MEGF6: variants seen among roughly 807,000 people sequenced by gnomAD.
MEGF6 encodes multiple EGF like domains 6.
MEGF6 carries 184 observed loss-of-function variants against 207.1 expected under a neutral mutation model. The ratio of observed to expected loss-of-function variants is 0.89; its 90% confidence interval spans 0.79 to 1.00. The LOEUF (loss-of-function observed/expected upper bound fraction) is 1.00. Ranked by LOEUF, MEGF6 falls within the 50% of genes least tolerant of loss-of-function variation. The pLI is 0.00. For synonymous variants in MEGF6, 1,038 were observed against 910.0 expected (o/e 1.14, Z -2.53); for missense variants, 2,282 against 2,202.9 (o/e 1.04, Z -0.72).
chr1:3,569,136 C>T (rs949724387), intron 4 of MEGF6, among the ~76,000 whole-genome samples: 3 of 152,216 alleles, frequency 2.0e-5, no homozygotes, highest in African/African-American at 7.2e-5. Flanking sequence ...CTCCAGCCCA[C>T]ACCCTAGAGA....
chr1:3,501,567 C>T (rs529708778), intron 18 of MEGF6, among the ~76,000 whole-genome samples: 352 of 152,248 alleles, frequency 2.3e-3, no homozygotes, highest in Non-Finnish European at 4.3e-3. Flanking sequence ...AGAGATGGAG[C>T]CTCATGCAGA....
At chr1:3,614,486 C>T (rs528208149), upstream of MEGF6, among the ~76,000 whole-genome samples, 6 of 152,324 alleles carry the variant, frequency 3.9e-5, no homozygotes, top group East Asian at 1.2e-3. Flanking sequence ...ACGCAGAGCA[C>T]AGTAAATATT....
At chr1:3,503,051 C>A (rs1398546255) in intron 17 of MEGF6, among the ~76,000 whole-genome samples, 1 of 152,188 alleles carries the variant, frequency 6.6e-6, no homozygotes, top group African/African-American at 2.4e-5. Flanking sequence ...GTCAGAAGGC[C>A]CACAGCGGGG....
chr1:3,614,990 C>A (rs949295436), upstream of MEGF6, among the ~76,000 whole-genome samples: 31 of 152,176 alleles, frequency 2.0e-4, no homozygotes, highest in African/African-American at 5.6e-4. Flanking sequence ...AAGGGCCTGC[C>A]GTGTTGATTC....
intron 3 of MEGF6, among the ~76,000 whole-genome samples, chr1:3,588,917 T>C (rs1570208946): frequency 6.6e-6 from 1 of 152,130 alleles, no homozygotes. Context: ...ACTCTGCCCC[T>C]GCCCTCATGA....
chr1:3,517,677 C>T (rs1024436120), intron 5 of MEGF6, among the ~76,000 whole-genome samples: 4 of 152,190 alleles, frequency 2.6e-5, no homozygotes, highest in African/African-American at 9.6e-5. Flanking sequence ...CCACCCCTAC[C>T]CAGGCCACAG....
At position 3,611,029 on chromosome 1, in the gene MEGF6, T is replaced by G. The variant is rs373605078; in HGVS notation, c.131+109A>C. 6.9e-6 allele frequency: 9 copies of G among 1,305,240 alleles called. 1 individual carries two copies. The highest frequency in any genetic ancestry group is 4.7e-5 in the African/African-American group (3 of 64,012). 80.9% of individuals were successfully genotyped at this position (1,305,240 alleles called of 1,614,324 possible). ...TCCCCAGTTAACGCAAACAGCCCAT[T>G]GTTCTGGAGCCCCAGGGACAAAGCC... On this transcript the variant is annotated intron_variant, in intron 1 of 36. Transcript: ENST00000356575.
intron 4 of MEGF6, among the ~76,000 whole-genome samples, chr1:3,563,539 G>A (rs1037108056): frequency 1.1e-4 from 17 of 152,140 alleles, no homozygotes; most frequent in Admixed American, 9.8e-4. Flanking sequence ...GCCAGCCCCC[G>A]ATCGTGCCTG....
At chr1:3,516,881 G>A (rs374074317) in intron 5 of MEGF6, among the ~76,000 whole-genome samples, 6 of 152,178 alleles carry the variant, frequency 3.9e-5, no homozygotes, top group African/African-American at 1.2e-4. Flanking sequence ...CCTGCCCCAC[G>A]TGTCCCTGGC....
intron 5 of MEGF6, among the ~76,000 whole-genome samples, chr1:3,518,881 C>T (rs1223206862): frequency 6.6e-6 from 1 of 152,190 alleles, no homozygotes; most frequent in Admixed American, 6.5e-5. Flanking sequence ...CCAGGCGGGC[C>T]TGCCCTGTAC....
chr1:3,498,424 T>A lies in MEGF6; in HGVS notation c.3299A>T (p.His1100Leu), dbSNP rs1290523800. 2 of 1,588,348 alleles carry A rather than the reference T, an allele frequency of 1.3e-6. No individual in the cohort carries two copies. The highest frequency in any genetic ancestry group is 3.4e-5 in the Admixed American group (2 of 58,222). Reference protein sequence around the residue: ...GCLNGGLCDPHTGRCLCPAGW... With the variant: ...GCLNGGLCDPLTGRCLCPAGW... ...GGCTGGGCAGAGGCAGCGGCCCGTGTGCGGGTCACACAGGCCCCCGTTGAG... is the reference window on the plus strand; with the variant it reads ...GGCTGGGCAGAGGCAGCGGCCCGTGAGCGGGTCACACAGGCCCCCGTTGAG... The change falls in exon 26 of 37, where the codon CAC becomes CTC. Residue 1100 changes from histidine to leucine, a missense_variant. By Grantham distance (99) the His-to-Leu change is moderately conservative (BLOSUM62 -3). Coordinates refer to ENST00000356575, the MANE Select transcript of MEGF6 (RefSeq NM_001409.4).
At position 3,514,533 on chromosome 1, in the gene MEGF6, G is replaced by A; in HGVS notation, c.853+17C>T. The A allele has an allele frequency of 6.3e-7, 1 of 1,584,910 alleles. No individual in the cohort carries two copies. The highest frequency in any genetic ancestry group is 8.6e-7 in the Non-Finnish European group (1 of 1,169,392). On this transcript the variant is annotated intron_variant, in intron 7 of 36. Transcript: ENST00000356575. ...TTCTGACCCTGGGCGGGGCGGAGCA[G>A]GGGAGGGGCGTCCTACCTTCACAGG... is the stretch of plus-strand genomic sequence containing the variant.
At chr1:3,518,907 C>G (rs1232602215) in intron 5 of MEGF6, among the ~76,000 whole-genome samples, 2 of 152,210 alleles carry the variant, frequency 1.3e-5, no homozygotes, top group African/African-American at 4.8e-5. Flanking sequence ...CCCCCATCCC[C>G]TGCCCTCTCA....
intron 30 of MEGF6, among the ~76,000 whole-genome samples, chr1:3,495,394 GGCCTGTCTGAGCAGGAGCCACTAC>G: frequency 6.6e-6 from 1 of 152,270 alleles, no homozygotes; most frequent in African/African-American, 2.4e-5. Context: ...ATGAGCACTG[GGCCTGTCTGAGCAGGAGCCACTAC>G]GCCTGTCCCC....
At chr1:3,570,890 G>T (rs1295498562) in intron 4 of MEGF6, among the ~76,000 whole-genome samples, 1 of 152,126 alleles carries the variant, frequency 6.6e-6, no homozygotes, top group Non-Finnish European at 1.5e-5. Flanking sequence ...ATCCCCCGGG[G>T]CCACCCAGTC....
chr1:3,505,213 C>T lies in MEGF6; in HGVS notation c.2183G>A (p.Gly728Asp), dbSNP rs1305254387. 6.2e-7 allele frequency: 1 copy of T among 1,611,816 alleles called. No homozygotes were observed. Among genetic ancestry groups the T allele is most frequent in the Admixed American group, 1.7e-5 (1 of 59,994 alleles). Residue 728 changes from glycine (G) to aspartate (D), a missense_variant, in exon 17 of 37, where the codon GGC becomes GAC. Coordinates refer to ENST00000356575, the MANE Select transcript of MEGF6 (RefSeq NM_001409.4). ...CCCAGGGGCCGGCCACTCACCTTGG[C>T]CACAGTCCTCTCCCTGGAAGCCAGC... ...CPAGFQGEDC[G>D]QECPVGTFGV...
At chr1:3,589,554 C>A (rs1254680491) in intron 3 of MEGF6, among the ~76,000 whole-genome samples, 2 of 152,190 alleles carry the variant, frequency 1.3e-5, no homozygotes, top group East Asian at 1.9e-4. Flanking sequence ...CACCACCCAG[C>A]CCCTCTGCCC....
At chr1:3,530,087 A>C (rs1320230014) in intron 4 of MEGF6, among the ~76,000 whole-genome samples, 1 of 152,354 alleles carries the variant, frequency 6.6e-6, no homozygotes, top group East Asian at 1.9e-4. Flanking sequence ...GAGGCCTTGG[A>C]TGCTTCGCAG....
Position 3,505,346 on chromosome 1 carries a change from C to T in MEGF6, c.2054-4G>A, listed in dbSNP as rs377157138. 1.2e-6 allele frequency: 2 copies of T among 1,609,398 alleles called. No individual in the cohort carries two copies. The highest frequency in any genetic ancestry group is 1.7e-6 in the Non-Finnish European group (2 of 1,178,788). On this transcript the variant is annotated splice_region_variant and splice_polypyrimidine_tract_variant and intron_variant, in intron 16 of 36. Coordinates refer to ENST00000356575, the MANE Select transcript of MEGF6 (RefSeq NM_001409.4). Reference sequence around the variant, plus strand: ...CCAAAGTAGCCCAGCTCACACTCTGCAGGGCGTGAGAGAGGGGTGGGTGGG... The same window carrying T: ...CCAAAGTAGCCCAGCTCACACTCTGTAGGGCGTGAGAGAGGGGTGGGTGGG...
Sources: allele counts gnomAD v4.1 joint callset (sites outside exome capture counted in the v4.1 genomes callset), GRCh38; gene constraint gnomAD v4.1.1; transcripts MANE v1.5; gene names NCBI Gene and HGNC (gene_info 2026-07-23, HGNC 2026-07-21).